The following FBXO34 variants were observed in gnomAD, a reference collection of about 807,000 sequenced individuals.
FBXO34 encodes F-box protein 34.
Under a neutral mutation model 24.5 loss-of-function variants are expected in FBXO34, and 12 were observed. That is an observed-to-expected ratio of 0.49 (90% confidence interval 0.31 to 0.79). The LOEUF (loss-of-function observed/expected upper bound fraction) is 0.79, where lower values mean the gene tolerates loss of function less well. FBXO34 is among the 30% of genes least tolerant of loss of function. The pLI, the probability that FBXO34 is intolerant of heterozygous loss-of-function variation, is 0.04. For missense variants in FBXO34, 823 were observed against 857.7 expected (o/e 0.96, Z 0.51); for synonymous variants, 320 against 311.9 (o/e 1.03, Z -0.27).
At chr14:55,430,547 G>A in the FBXO34 span, among the ~76,000 whole-genome samples, 3 of 152,080 alleles carry the variant, frequency 2.0e-5, no homozygotes, top group East Asian at 1.9e-4. Context: ...GCCTGCAGGG[G>A]CATGCACCAC....
In FBXO34 at chr14:55,350,886, A is replaced by G; in HGVS notation, c.496A>G (p.Arg166Gly). ...DLKKAKVQVE[R>G]MREVNSRCYQ... ...TAAAAAAGCCAAGGTACAGGTGGAA[A>G]GGATGAGGGAGGTTAACAGCAGGTG... Residue 166 changes from arginine (R) to glycine (G), a missense_variant, in exon 2 of 2, where the codon AGG becomes GGG. Physicochemically the swap from Arg to Gly is moderately radical, Grantham distance 125. This residue lies in a region of FBXO34 where 693 missense variants were observed against 659.1 expected (regional missense o/e 1.05). Transcript: ENST00000313833. The G allele has an allele frequency of 6.2e-7, 1 of 1,613,728 alleles. No individual in the cohort carries two copies. The highest frequency in any genetic ancestry group is 8.5e-7 in the Non-Finnish European group (1 of 1,179,916).
chr14:55,339,832 T>C (rs1338261672), intron 1 of FBXO34, among the ~76,000 whole-genome samples: 41 of 152,186 alleles, frequency 2.7e-4, no homozygotes, highest in Non-Finnish European at 2.4e-4. Context: ...AACCAGCCAG[T>C]GCACATACTG....
chr14:55,320,477 T>TGTG (rs1356540281), intron 1 of FBXO34, among the ~76,000 whole-genome samples: 2 of 152,146 alleles, frequency 1.3e-5, no homozygotes, highest in African/African-American at 4.8e-5. Flanking sequence ...TTTGGCCAGG[T>TGTG]GTGGTGGCTC....
At chr14:55,325,549 C>G (rs1272119061) in intron 1 of FBXO34, among the ~76,000 whole-genome samples, 5 of 152,084 alleles carry the variant, frequency 3.3e-5, no homozygotes, top group Admixed American at 1.3e-4. Context: ...GATCTCGGCT[C>G]ATCGCAACCT....
chr14:55,352,035 A>G lies in FBXO34; in HGVS notation c.1645A>G (p.Ser549Gly), dbSNP rs1246229303. The G allele has an allele frequency of 6.2e-7, 1 of 1,614,218 alleles. No individual in the cohort carries two copies. The highest frequency in any genetic ancestry group is 2.2e-5 in the East Asian group (1 of 44,886). The change falls in exon 2 of 2, where the codon AGT becomes GGT. Residue 549 changes from serine to glycine, a missense_variant. Coordinates refer to ENST00000313833, the MANE Select transcript of FBXO34 (RefSeq NM_017943.4). ...TACATTACCAGTGCTTGAGGCATCC[A>G]GTTGGAAGAAGCAGGTGTCGCATGA... ...ESTLPVLEASSWKKQVSHDFL... is the reference protein window; with the variant it reads ...ESTLPVLEASGWKKQVSHDFL...
chr14:55,369,670 A>T (rs745477160), downstream of FBXO34: 1 of 1,576,436 alleles, frequency 6.3e-7, no homozygotes, highest in Non-Finnish European at 8.6e-7. Flanking sequence ...AGGCTGCTGC[A>T]GAGGAGATCA....
downstream of FBXO34, chr14:55,368,225 T>C (rs1047730381): frequency 2.0e-5 from 3 of 152,274 alleles, no homozygotes; most frequent in South Asian, 4.2e-4. Flanking sequence ...TGAGGGAAAT[T>C]CTTTTTTTTT....
the FBXO34 span, among the ~76,000 whole-genome samples, chr14:55,375,563 T>TG: frequency 6.6e-6 from 1 of 150,504 alleles, no homozygotes; most frequent in Non-Finnish European, 1.5e-5. Context: ...AGGCTGGTCT[T>TG]GAACTCCTGG....
At chr14:55,379,071 T>G in the FBXO34 span, among the ~76,000 whole-genome samples, 54 of 152,212 alleles carry the variant, frequency 3.5e-4, 1 homozygote, top group Non-Finnish European at 3.8e-4. Context: ...GCTGTTGATT[T>G]GTTTACTATT....
At chr14:55,408,920 T>C in the FBXO34 span, among the ~76,000 whole-genome samples, 2 of 152,200 alleles carry the variant, frequency 1.3e-5, no homozygotes, top group Admixed American at 1.3e-4. Flanking sequence ...AGGCTTCGTA[T>C]GCCATAGTAA....
chr14:55,331,765 A>G lies in FBXO34; in HGVS notation c.-10-18616A>G, dbSNP rs1329821929. On this transcript the variant is annotated intron_variant, in intron 1 of 1. Coordinates refer to ENST00000313833, the MANE Select transcript of FBXO34 (RefSeq NM_017943.4). ...TGTGTGTATATATATATATATGTAT[A>G]TATATATATATATACCACCATGGTG... Among the ~76,000 whole-genome samples, 13 of 78,226 alleles carry G rather than the reference A, an allele frequency of 1.7e-4. 1 individual carries two copies. Among genetic ancestry groups the G allele is most frequent in the African/African-American group, 5.1e-4 (8 of 15,826 alleles). 51.3% of individuals were successfully genotyped at this position (78,226 alleles called of 152,430 possible). A position where few individuals can be genotyped will look rare whatever the true frequency, so the allele number is the denominator to read the frequency against.
At chr14:55,293,561 G>A (rs751732624) in intron 1 of FBXO34, among the ~76,000 whole-genome samples, 55 of 151,614 alleles carry the variant, frequency 3.6e-4, no homozygotes, top group Non-Finnish European at 5.6e-4. Context: ...GTACAGTATC[G>A]TCTCACTTAT....
intron 1 of FBXO34, among the ~76,000 whole-genome samples, chr14:55,286,822 ATTT>A (rs553255222): frequency 3.3e-5 from 5 of 150,774 alleles, no homozygotes; most frequent in Non-Finnish European, 5.9e-5. Flanking sequence ...TTTTTTTTGA[ATTT>A]GTAATATTCA....
chr14:55,411,501 G>C, the FBXO34 span: 1 of 1,161,454 alleles, frequency 8.6e-7, no homozygotes, highest in South Asian at 1.5e-5. Context: ...CCTCTCGCTG[G>C]TATCTGGTGC....
At chr14:55,421,015 C>T in the FBXO34 span, among the ~76,000 whole-genome samples, 2 of 145,902 alleles carry the variant, frequency 1.4e-5, no homozygotes, top group Non-Finnish European at 3.0e-5. Context: ...GAGCCGAGAT[C>T]GCACCACTGC....
At chr14:55,303,674 C>G (rs1246660909) in intron 1 of FBXO34, among the ~76,000 whole-genome samples, 2 of 150,990 alleles carry the variant, frequency 1.3e-5, no homozygotes, top group Non-Finnish European at 2.9e-5. Context: ...AAAAAAAAAC[C>G]CTTTATTTCC....
chr14:55,378,174 G>T, the FBXO34 span: 1 of 920,368 alleles, frequency 1.1e-6, no homozygotes, highest in Non-Finnish European at 1.7e-6. Context: ...CATACTCTGT[G>T]CCCTTTTACT....
intron 1 of FBXO34, among the ~76,000 whole-genome samples, chr14:55,299,760 T>C (rs1882282370): frequency 6.6e-6 from 1 of 152,242 alleles, no homozygotes; most frequent in African/African-American, 2.4e-5. Flanking sequence ...TTCATTTACA[T>C]ACAAATATTT....
At chr14:55,367,417 G>C (rs1884704352) in exon 3 of FBXO34, 1 of 152,254 alleles carries the variant, frequency 6.6e-6, no homozygotes, top group Admixed American at 6.5e-5. Flanking sequence ...ATGAAGCTGA[G>C]CACTTAAAAC....
Sources: gnomAD v4.1 joint callset for allele counts (sites outside exome capture counted in the v4.1 genomes callset) on GRCh38, gnomAD v4.1.1 for gene constraint, gnomAD v4.1.1 regional missense constraint, MANE v1.5 for transcripts, NCBI Gene and HGNC (gene_info 2026-07-23, HGNC 2026-07-21) for gene names.